The following LRBA variants were observed in gnomAD, a reference collection of about 807,000 sequenced individuals.
The protein encoded by LRBA is lipopolysaccharide-responsive and beige-like anchor protein.
Under a neutral mutation model 330.0 loss-of-function variants are expected in LRBA, and 176 were observed. That is an observed-to-expected ratio of 0.53 (90% CI 0.47 to 0.60). The LOEUF (loss-of-function observed/expected upper bound fraction) is 0.60, where lower values mean the gene tolerates loss of function less well. Ranked by LOEUF, LRBA falls within the 20% of genes least tolerant of loss-of-function variation. LRBA has a pLI of 0.00. For synonymous variants in LRBA, 1,230 were observed against 1,193.0 expected, an observed-to-expected ratio of 1.03 and a Z score of -0.64; for missense variants, 3,259 against 3,444.8, an observed-to-expected ratio of 0.95 and a Z score of 1.35.
intron 34 of LRBA, among the ~76,000 whole-genome samples, chr4:150,776,808 T>C (rs1236424585): frequency 6.6e-6 from 1 of 151,852 alleles, no homozygotes; most frequent in Non-Finnish European, 1.5e-5. Context: ...AGACTCCGTG[T>C]CAAAAAAATA....
intron 36 of LRBA, among the ~76,000 whole-genome samples, chr4:150,720,743 CTA>C (rs1728825070): frequency 6.6e-6 from 1 of 152,122 alleles, no homozygotes; most frequent in African/African-American, 2.4e-5. Context: ...TAACAAGAAA[CTA>C]TGTCCCAGGA....
chr4:150,953,110 G>A (rs114769852), intron 2 of LRBA, among the ~76,000 whole-genome samples: 93 of 152,230 alleles, frequency 6.1e-4, no homozygotes, highest in African/African-American at 2.2e-3. Flanking sequence ...TCTATCTGAA[G>A]AGCGTATCTG....
At chr4:151,014,150 G>A (rs72963663) in intron 2 of LRBA, 4,904 of 296,436 alleles carry the variant, frequency 0.017, 161 homozygotes, top group African/African-American at 0.087. Flanking sequence ...TAACTCCTCC[G>A]CTAGAACCTC....
chr4:150,879,938 G>A (rs1728178142), intron 17 of LRBA, among the ~76,000 whole-genome samples: 1 of 152,040 alleles, frequency 6.6e-6, no homozygotes, highest in Admixed American at 6.5e-5. Flanking sequence ...AATAGGCAAA[G>A]CAATCCTAAA....
chr4:150,551,981 G>A (rs1766659009), intron 40 of LRBA, among the ~76,000 whole-genome samples: 2 of 152,074 alleles, frequency 1.3e-5, no homozygotes, highest in African/African-American at 4.8e-5. Context: ...TATGATTTTA[G>A]GATGAAACTC....
chr4:150,915,039 G>T (rs118152404), intron 8 of LRBA, among the ~76,000 whole-genome samples: 2 of 152,144 alleles, frequency 1.3e-5, no homozygotes, highest in East Asian at 3.9e-4. Context: ...CTTGAGGTTA[G>T]CATTACAAAA....
At chr4:150,961,357 A>G (rs1338397800) in intron 2 of LRBA, among the ~76,000 whole-genome samples, 1 of 149,364 alleles carries the variant, frequency 6.7e-6, no homozygotes, top group Non-Finnish European at 1.5e-5. Flanking sequence ...TTAAAATGCT[A>G]TCACCTTATG....
intron 40 of LRBA, among the ~76,000 whole-genome samples, chr4:150,568,619 T>G (rs1769454822): frequency 6.6e-6 from 1 of 152,186 alleles, no homozygotes. Flanking sequence ...TTATCAGCAC[T>G]GCACCTGCAC....
At position 150,541,830 on chromosome 4, in the gene LRBA, T is replaced by C. The variant is rs574486414; in HGVS notation, c.6330+46218A>G. ...GCCTCAGGCAGCAATAGGTGCACAC[T>C]ATCACACCTGGCTAATTTAAAAAAA... On this transcript the variant is annotated intron_variant, in intron 40 of 56. Coordinates refer to ENST00000651943, the MANE Select transcript of LRBA (RefSeq NM_001364905.1). Among the ~76,000 whole-genome samples, 8 of 152,180 alleles carry C rather than the reference T, an allele frequency of 5.3e-5. No homozygotes were observed. The South Asian group carries it at 1.5e-3, about 28-fold the overall frequency.
intron 47 of LRBA, among the ~76,000 whole-genome samples, chr4:150,388,146 TAGAG>T (rs1743358059): frequency 1.3e-5 from 2 of 152,338 alleles, no homozygotes; most frequent in Admixed American, 6.5e-5. Context: ...CCTCACATGA[TAGAG>T]AGAGAGTGAT....
chr4:150,667,583 C>A (rs781029086), intron 37 of LRBA, among the ~76,000 whole-genome samples: 2 of 152,060 alleles, frequency 1.3e-5, no homozygotes, highest in Non-Finnish European at 2.9e-5. Context: ...GAAATTTTAA[C>A]CCCCAATGTG....
rs138952583 is a variant in LRBA, at chr4:150,717,953, C to T, written c.5754+17305G>A. Among the ~76,000 whole-genome samples the T allele has an allele frequency of 1.6e-4, 24 of 152,104 alleles. No homozygotes were observed. In the East Asian group the frequency reaches 4.0e-3, roughly 26 times the overall value. On this transcript the variant is annotated intron_variant, in intron 36 of 56. Transcript: ENST00000651943. ...GATAATCATCAGTACATATGTTTTA[C>T]AGATATATCACATTAGTTTAAAGAA...
chr4:150,401,045 T>C (rs1745391619), intron 47 of LRBA, among the ~76,000 whole-genome samples: 1 of 152,184 alleles, frequency 6.6e-6, no homozygotes, highest in Non-Finnish European at 1.5e-5. Context: ...CCTAATCCAA[T>C]ATGACTGGTG....
intron 40 of LRBA, among the ~76,000 whole-genome samples, chr4:150,524,078 C>T (rs761565321): frequency 3.9e-5 from 6 of 152,108 alleles, no homozygotes; most frequent in Non-Finnish European, 5.9e-5. Flanking sequence ...CAGATGGTTC[C>T]TTTTCAAGGT....
In LRBA at chr4:150,583,624, C is replaced by A. The variant is rs1283728862; in HGVS notation, c.6330+4424G>T. On this transcript the variant is annotated intron_variant, in intron 40 of 56. Coordinates refer to ENST00000651943, the MANE Select transcript of LRBA (RefSeq NM_001364905.1). This position sits in a 1 kb window ranked among gnomAD's most constrained non-coding sequence, Gnocchi z 9.8. Reference sequence around the variant, plus strand: ...CCACATCCCTTGGCCCGGCCCCAATCGGGTGGCCGAGGTCAAGGCCGAAGG... The same window carrying A: ...CCACATCCCTTGGCCCGGCCCCAATAGGGTGGCCGAGGTCAAGGCCGAAGG... 3.1e-6 allele frequency: 5 copies of A among 1,613,686 alleles called. No homozygotes were observed. Among genetic ancestry groups the A allele is most frequent in the African/African-American group, 1.3e-5 (1 of 74,930 alleles).
At chr4:150,635,425 A>T (rs902250725) in intron 37 of LRBA, among the ~76,000 whole-genome samples, 1 of 152,154 alleles carries the variant, frequency 6.6e-6, no homozygotes, top group African/African-American at 2.4e-5. Flanking sequence ...TCCTTCTTCT[A>T]TATTTCCATA....
intron 48 of LRBA, among the ~76,000 whole-genome samples, chr4:150,347,903 T>C (rs1055948310): frequency 3.3e-5 from 5 of 152,104 alleles, no homozygotes; most frequent in Admixed American, 3.3e-4. Flanking sequence ...GAAAAGATGG[T>C]CAAAGACAAA....
At chr4:150,512,409 C>T (rs1315606982) in intron 40 of LRBA, among the ~76,000 whole-genome samples, 4 of 152,174 alleles carry the variant, frequency 2.6e-5, no homozygotes, top group South Asian at 2.1e-4. Flanking sequence ...TGTTGAAATC[C>T]TAACTTCCAA....
intron 37 of LRBA, among the ~76,000 whole-genome samples, chr4:150,649,905 A>T (rs2126763904): frequency 6.6e-6 from 1 of 152,280 alleles, no homozygotes; most frequent in Non-Finnish European, 1.5e-5. Context: ...ACTTTAAGTG[A>T]ACCAAAGGTA....
Sources: gnomAD v4.1 joint callset for allele counts (sites outside exome capture counted in the v4.1 genomes callset) on GRCh38, gnomAD v4.1.1 for gene constraint, Gnocchi (gnomAD v3.1) non-coding constraint, MANE v1.5 for transcripts, NCBI Gene and HGNC (gene_info 2026-07-23, HGNC 2026-07-21) for gene names.